The following COL11A1 variants were observed in gnomAD, a reference collection of about 807,000 sequenced individuals.
COL11A1 encodes the protein collagen alpha-1(XI) chain.
Under a neutral mutation model 265.2 loss-of-function variants are expected in COL11A1, and 74 were observed. The ratio of observed to expected loss-of-function variants is 0.28; its 90% CI spans 0.23 to 0.34. The LOEUF (loss-of-function observed/expected upper bound fraction) is 0.34, where lower values mean the gene tolerates loss of function less well. COL11A1 is among the 10% of genes least tolerant of loss of function. COL11A1 has a pLI of 1.00. For missense variants in COL11A1, 2,165 were observed against 2,263.6 expected (o/e 0.96, Z 0.88); for synonymous variants, 816 against 727.6 (o/e 1.12, Z -1.96).
Position 103,004,444 on chromosome 1 carries a change from A to G in COL11A1, c.1944T>C (p.Ala648=). The stretch of plus-strand genomic sequence containing the variant: ...TAAAAATAAAAAGTAAGTTGCTTAC[A>G]GCTTCACCTGGAAGACCTCTTGGTC... ...EIGPRGLPGE[A]GPRGLLGPRG... is the part of the protein sequence containing the mutation. The change falls in exon 20 of 67, where the codon GCT becomes GCC. Residue 648 remains alanine (A), a splice_region_variant and synonymous_variant. Coordinates refer to ENST00000370096, the MANE Select transcript of COL11A1 (RefSeq NM_001854.4). 7 of 1,609,774 alleles carry G rather than the reference A, an allele frequency of 4.3e-6. No individual in the cohort carries two copies. Among genetic ancestry groups the G allele is most frequent in the Non-Finnish European group, 5.9e-6 (7 of 1,177,254 alleles).
At position 103,003,204 on chromosome 1, in the gene COL11A1, G is replaced by A. The variant is rs375664445; in HGVS notation, c.1998+11C>T. On this transcript the variant is annotated intron_variant, in intron 21 of 66. Coordinates refer to ENST00000370096, the MANE Select transcript of COL11A1 (RefSeq NM_001854.4). The stretch of plus-strand genomic sequence containing the variant: ...CCCTAGAAAATCTTCAATGTTTCCA[G>A]CAATACATACAGGCTGCCCTGGAGC... 16 of 1,613,124 alleles carry A rather than the reference G, an allele frequency of 9.9e-6. No homozygotes were observed. In the East Asian group the frequency reaches 1.3e-4, roughly 13 times the overall value.
intron 57 of COL11A1, among the ~76,000 whole-genome samples, chr1:102,895,250 C>A (rs575629999): frequency 6.6e-6 from 1 of 152,130 alleles, no homozygotes; most frequent in Non-Finnish European, 1.5e-5. Context: ...CCAGAAACTT[C>A]CTATAAAATT....
At chr1:103,030,879 A>G (rs1667931226) in intron 5 of COL11A1, 1 of 486,540 alleles carries the variant, frequency 2.1e-6, no homozygotes, top group Non-Finnish European at 3.7e-6. Context: ...GTGCATATAC[A>G]CAGTATACAA....
chr1:102,878,946 T>A lies in COL11A1; in HGVS notation c.5274+737A>T, dbSNP rs375814008. ...TCAAAAAAATTTCTTCTGCTATATGTTAATTTTATGAATATTTAACAATAA... is the reference window on the plus strand; with the variant it reads ...TCAAAAAAATTTCTTCTGCTATATGATAATTTTATGAATATTTAACAATAA... On this transcript the variant is annotated intron_variant, in intron 66 of 66. Coordinates refer to ENST00000370096, the MANE Select transcript of COL11A1 (RefSeq NM_001854.4). Among the ~76,000 whole-genome samples, 10 of 152,310 alleles carry A rather than the reference T, an allele frequency of 6.6e-5. No homozygotes were observed. The East Asian group carries it at 7.7e-4, about 12-fold the overall frequency.
At chr1:102,909,102 G>A (rs1654341622) in intron 54 of COL11A1, among the ~76,000 whole-genome samples, 1 of 152,146 alleles carries the variant, frequency 6.6e-6, no homozygotes, top group Non-Finnish European at 1.5e-5. Context: ...TGGCGGTAGA[G>A]CCCAATAGGA....
rs1666213365 is a variant in COL11A1 at position 103,012,485 on chromosome 1, T to G, written c.1573-16A>C. 2.5e-6 allele frequency: 4 copies of G among 1,602,388 alleles called. No homozygotes were observed. Among genetic ancestry groups the G allele is most frequent in the Non-Finnish European group, 3.4e-6 (4 of 1,169,972 alleles). On this transcript the variant is annotated splice_polypyrimidine_tract_variant and intron_variant, in intron 13 of 66. Transcript: ENST00000370096. ...TCAGAGCAATCTAGAAAACAAAATA[T>G]ATCAAATTCAGTAATATTCTCCTGG...
intron 4 of COL11A1, among the ~76,000 whole-genome samples, chr1:103,071,467 CTTTTTTTTTTTTTT>C (rs869263393): frequency 1.6e-4 from 8 of 49,892 alleles, no homozygotes; most frequent in Non-Finnish European, 3.1e-4. Flanking sequence ...GTTGGTAGGA[CTTTTTTTTTTTTTT>C]TTTTTTTTTT....
intron 48 of COL11A1, among the ~76,000 whole-genome samples, 164 bp downstream of exon 48, chr1:102,921,354 T>C (rs1655967744): frequency 6.6e-6 from 1 of 152,224 alleles, no homozygotes; most frequent in Non-Finnish European, 1.5e-5. Flanking sequence ...ATTCCATTTA[T>C]TTCATTGTAT....
chr1:102,940,323 C>A lies in COL11A1; in HGVS notation c.3384+4G>T. Reference sequence around the variant, plus strand: ...ATCTACTAACACGAATAATGAATACCAACCTTGTCTCCGTCTTCCCCAGGG... The same window carrying A: ...ATCTACTAACACGAATAATGAATACAAACCTTGTCTCCGTCTTCCCCAGGG... On this transcript the variant is annotated splice_donor_region_variant and intron_variant, in intron 43 of 66. Transcript: ENST00000370096. 6.2e-7 allele frequency: 1 copy of A among 1,610,382 alleles called. No individual in the cohort carries two copies. The highest frequency in any genetic ancestry group is 8.5e-7 in the Non-Finnish European group (1 of 1,176,770).
At chr1:102,995,285 C>T (rs1223139055) in intron 28 of COL11A1, among the ~76,000 whole-genome samples, 1 of 151,828 alleles carries the variant, frequency 6.6e-6, no homozygotes, top group Admixed American at 6.6e-5. Flanking sequence ...CTATAAATGC[C>T]CTATAAAAGA....
intron 4 of COL11A1, among the ~76,000 whole-genome samples, chr1:103,049,970 C>A (rs1433055503): frequency 1.3e-5 from 2 of 152,224 alleles, no homozygotes; most frequent in African/African-American, 2.4e-5. Flanking sequence ...GAGAGATCAG[C>A]TGTTAATCTG....
intron 1 of COL11A1, among the ~76,000 whole-genome samples, chr1:103,099,410 CTTTA>C (rs923858286): frequency 1.3e-5 from 2 of 150,504 alleles, no homozygotes; most frequent in African/African-American, 2.4e-5. Flanking sequence ...ACATAAAGCA[CTTTA>C]TTTATACACA....
At chr1:102,895,023 C>A (rs1475090255) in intron 57 of COL11A1, among the ~76,000 whole-genome samples, 1 of 150,450 alleles carries the variant, frequency 6.6e-6, no homozygotes, top group Non-Finnish European at 1.5e-5. Flanking sequence ...TGTGTGTACA[C>A]CTATACACAT....
chr1:103,012,549 G>T, intron 13 of COL11A1, 80 bp from the exon 14 acceptor site: 2 of 1,041,312 alleles, frequency 1.9e-6, no homozygotes, highest in Non-Finnish European at 1.5e-6. Context: ...TGCACAAGCT[G>T]CCCTTAAGTA....
chr1:102,987,532 T>C, intron 30 of COL11A1, 101 bp downstream of exon 30: 1 of 864,168 alleles, frequency 1.2e-6, no homozygotes, highest in South Asian at 1.3e-5. Context: ...ATCTTTAATG[T>C]AGTAAGAACT....
At chr1:102,952,718 A>C (rs892298004) in intron 41 of COL11A1, among the ~76,000 whole-genome samples, 2 of 152,206 alleles carry the variant, frequency 1.3e-5, no homozygotes, top group African/African-American at 4.8e-5. Context: ...ATGCTCTGCT[A>C]TAATTTTATT....
At chr1:103,066,277 G>A (rs906920753) in intron 4 of COL11A1, among the ~76,000 whole-genome samples, 1 of 151,640 alleles carries the variant, frequency 6.6e-6, no homozygotes, top group African/African-American at 2.4e-5. Flanking sequence ...TAAAATATAC[G>A]ATTATTTAAA....
chr1:103,042,446 C>A (rs1668885587), intron 4 of COL11A1, among the ~76,000 whole-genome samples: 1 of 152,028 alleles, frequency 6.6e-6, no homozygotes, highest in African/African-American at 2.4e-5. Flanking sequence ...TCACTGTTGG[C>A]ACCCCAATTC....
Position 103,078,758 on chromosome 1 carries a change from C to T in COL11A1, c.388G>A (p.Glu130Lys), listed in dbSNP as rs2102303130. The change falls in exon 3 of 67, where the codon GAG becomes AAG. Residue 130 changes from glutamate (E) to lysine (K), a missense_variant. Transcript: ENST00000370096. ...NEHGIQQIGVEVGRSPVFLFE... is the reference protein window; with the variant it reads ...NEHGIQQIGVKVGRSPVFLFE... The stretch of plus-strand genomic sequence containing the variant: ...AGAAAAACAGGTGATCTCCCAACCT[C>T]AACACCAATTTGCTGAATACCATGC... 1 of 1,613,400 alleles carries T rather than the reference C, an allele frequency of 6.2e-7. No homozygotes were observed. Among genetic ancestry groups the T allele is most frequent in the Non-Finnish European group, 8.5e-7 (1 of 1,179,590 alleles).
Sources: gnomAD v4.1 joint callset for allele counts (sites outside exome capture counted in the v4.1 genomes callset) on GRCh38, gnomAD v4.1.1 for gene constraint, MANE v1.5 for transcripts, NCBI Gene and HGNC (gene_info 2026-07-23, HGNC 2026-07-21) for gene names.